Variants in KIRREL3 observed in about 807,000 individuals in gnomAD.
The protein encoded by KIRREL3 is kin of IRRE-like protein 3.
In KIRREL3, 36 loss-of-function variants were observed where a neutral mutation model predicts 89.7. The ratio of observed to expected loss-of-function variants is 0.40; its 90% CI spans 0.31 to 0.53. KIRREL3 has a LOEUF of 0.53. KIRREL3 is among the 20% of genes least tolerant of loss of function. The pLI, the probability that KIRREL3 is intolerant of heterozygous loss-of-function variation, is 0.49. For missense variants in KIRREL3, 864 were observed against 1,056.6 expected (o/e 0.82, Z 2.53); for synonymous variants, 445 against 441.4 (o/e 1.01, Z -0.10).
At chr11:126,858,162 C>A (rs944803205) in intron 1 of KIRREL3, among the ~76,000 whole-genome samples, 1 of 152,192 alleles carries the variant, frequency 6.6e-6, no homozygotes. Flanking sequence ...CATGTCATGG[C>A]AGCAGAATAC....
intron 1 of KIRREL3, among the ~76,000 whole-genome samples, chr11:126,721,908 G>T (rs1948187568): frequency 6.6e-6 from 1 of 152,188 alleles, no homozygotes; most frequent in Admixed American, 6.5e-5. Flanking sequence ...CAGTCAAAAA[G>T]CCTCACAGTC....
In KIRREL3 at chr11:126,459,874, G is replaced by T. The variant is rs1480919801; in HGVS notation, c.742+3283C>A. Reference sequence around the variant, plus strand: ...GTCCAGATGTGGTGAGGCTTTGGGGGTGTTAAGCTTTCTCTCCCATTACTC... The same window carrying T: ...GTCCAGATGTGGTGAGGCTTTGGGGTTGTTAAGCTTTCTCTCCCATTACTC... On this transcript the variant is annotated intron_variant, in intron 6 of 16. Coordinates refer to ENST00000525144, the MANE Select transcript of KIRREL3 (RefSeq NM_032531.4). The surrounding 1 kb of genome is among the most constrained non-coding windows in gnomAD (Gnocchi z 4.8). 6.6e-6 allele frequency among the ~76,000 whole-genome samples: 1 copy of T among 152,192 alleles called. No homozygotes were observed. The highest frequency in any genetic ancestry group is 1.5e-5 in the Non-Finnish European group (1 of 68,036).
chr11:126,763,531 G>A lies in KIRREL3; in HGVS notation c.56-200619C>T, dbSNP rs377183763. Among the ~76,000 whole-genome samples, 128 of 152,276 alleles carry A rather than the reference G, an allele frequency of 8.4e-4. 3 individuals carry two copies. The highest frequency in any genetic ancestry group is 2.7e-3 in the African/African-American group (112 of 41,566). ...GTCTCTCTGGGGCCACATGACACCC[G>A]AACACACAGAATCTGTGGGAACAAG... On this transcript the variant is annotated intron_variant, in intron 1 of 16. Transcript: ENST00000525144. The surrounding 1 kb of genome is among the most constrained non-coding windows in gnomAD (Gnocchi z 4.7).
Position 126,558,558 on chromosome 11 carries a change from T to C in KIRREL3, c.133+4277A>G, listed in dbSNP as rs1939874506. 6.6e-6 allele frequency among the ~76,000 whole-genome samples: 1 copy of C among 152,230 alleles called. No individual in the cohort carries two copies. Reference sequence around the variant, plus strand: ...TTCATATGGGCCCCGGGCAAGTTGCTGCATGCTCTTGGGCCATGCTGTGTT... The same window carrying C: ...TTCATATGGGCCCCGGGCAAGTTGCCGCATGCTCTTGGGCCATGCTGTGTT... On this transcript the variant is annotated intron_variant, in intron 2 of 16. Transcript: ENST00000525144. The surrounding 1 kb of genome is among the most constrained non-coding windows in gnomAD (Gnocchi z 4.0).
At position 126,995,203 on chromosome 11, in the gene KIRREL3, C is replaced by G. The variant is rs1331118141; in HGVS notation, c.55+5252G>C. On this transcript the variant is annotated intron_variant, in intron 1 of 16. Transcript: ENST00000525144. This position sits in a 1 kb window ranked among gnomAD's most constrained non-coding sequence, Gnocchi z 6.5. ...TAGCCCCCCAGAGCAGCTGCTCCCA[C>G]CGACCCTGCTCCAAGAGTGCTGGGA... 2.2e-6 allele frequency: 1 copy of G among 456,240 alleles called. No individual in the cohort carries two copies. The highest frequency in any genetic ancestry group is 4.4e-6 in the Non-Finnish European group (1 of 226,960). 28.3% of individuals were successfully genotyped at this position (456,240 alleles called of 1,614,324 possible).
At position 126,836,216 on chromosome 11, in the gene KIRREL3, G is replaced by A. The variant is rs150502037; in HGVS notation, c.55+164239C>T. ...ATTATGAAACCTGACAGTGGCTTGGGGACCCTTTTGCCCTTGCAGTTGATG... is the reference window on the plus strand; with the variant it reads ...ATTATGAAACCTGACAGTGGCTTGGAGACCCTTTTGCCCTTGCAGTTGATG... On this transcript the variant is annotated intron_variant, in intron 1 of 16. Coordinates refer to ENST00000525144, the MANE Select transcript of KIRREL3 (RefSeq NM_032531.4). 1.1e-4 allele frequency among the ~76,000 whole-genome samples: 16 copies of A among 152,264 alleles called. 1 individual carries two copies. The East Asian group carries it at 3.1e-3, about 29-fold the overall frequency.
intron 4 of KIRREL3, among the ~76,000 whole-genome samples, chr11:126,488,878 T>C (rs1374411789): frequency 5.3e-5 from 8 of 152,166 alleles, no homozygotes; most frequent in Non-Finnish European, 1.5e-5. Flanking sequence ...TTTGCAGCCT[T>C]ACCCCGTGCC....
rs986521367 is a variant in KIRREL3 at position 126,876,678 on chromosome 11, C to G, written c.55+123777G>C. On this transcript the variant is annotated intron_variant, in intron 1 of 16. Coordinates refer to ENST00000525144, the MANE Select transcript of KIRREL3 (RefSeq NM_032531.4). This position sits in a 1 kb window ranked among gnomAD's most constrained non-coding sequence, Gnocchi z 4.1. ...TCAGCCTTCCAAGTAGCTGGGATTACAGGCACCTGCCACCATGCCCAGCTA... is the reference window on the plus strand; with the variant it reads ...TCAGCCTTCCAAGTAGCTGGGATTAGAGGCACCTGCCACCATGCCCAGCTA... Among the ~76,000 whole-genome samples, 3 of 151,916 alleles carry G rather than the reference C, an allele frequency of 2.0e-5. No homozygotes were observed. Among genetic ancestry groups the G allele is most frequent in the Admixed American group, 6.6e-5 (1 of 15,226 alleles).
At chr11:126,510,420 G>C (rs866954527) in intron 4 of KIRREL3, among the ~76,000 whole-genome samples, 215 of 101,008 alleles carry the variant, frequency 2.1e-3, no homozygotes, top group African/African-American at 0.011. Flanking sequence ...CCCTGACGTT[G>C]TTTCCTTCCT....
chr11:126,911,389 G>T (rs567419303), intron 1 of KIRREL3, among the ~76,000 whole-genome samples: 1 of 152,200 alleles, frequency 6.6e-6, no homozygotes, highest in Non-Finnish European at 1.5e-5. Context: ...CAGTGCATCT[G>T]CTGGTGAAGT....
chr11:126,633,043 C>A (rs1170725048), intron 1 of KIRREL3, among the ~76,000 whole-genome samples: 1 of 152,038 alleles, frequency 6.6e-6, no homozygotes, highest in Non-Finnish European at 1.5e-5. Flanking sequence ...TCTATCACCA[C>A]TGCACTTCAG....
intron 1 of KIRREL3, among the ~76,000 whole-genome samples, chr11:126,593,200 C>T (rs1369947480): frequency 6.6e-6 from 1 of 152,234 alleles, no homozygotes; most frequent in East Asian, 1.9e-4. Flanking sequence ...CCAGGAGGCT[C>T]TTCAGAGCAG....
chr11:126,829,523 C>T (rs1419582898), intron 1 of KIRREL3, among the ~76,000 whole-genome samples: 1 of 152,010 alleles, frequency 6.6e-6, no homozygotes, highest in Non-Finnish European at 1.5e-5. Flanking sequence ...TGGTCTTGTG[C>T]CCCAAACTAC....
Position 126,647,766 on chromosome 11 carries a change from A to T in KIRREL3, c.56-84854T>A, listed in dbSNP as rs534428230. 6.6e-6 allele frequency among the ~76,000 whole-genome samples: 1 copy of T among 152,262 alleles called. No individual in the cohort carries two copies. The highest frequency in any genetic ancestry group is 1.5e-5 in the Non-Finnish European group (1 of 68,012). On this transcript the variant is annotated intron_variant, in intron 1 of 16. Coordinates refer to ENST00000525144, the MANE Select transcript of KIRREL3 (RefSeq NM_032531.4). The surrounding 1 kb of genome is among the most constrained non-coding windows in gnomAD (Gnocchi z 4.9). ...TGTCTAGTTTCAACAGGGCAGTCTG[A>T]GTAGTGCTTTTAAAAACCTAAGTCA... is the stretch of plus-strand genomic sequence containing the variant.
rs1259907171 is a variant in KIRREL3 at position 126,708,003 on chromosome 11, T to C, written c.56-145091A>G. 1.3e-5 allele frequency among the ~76,000 whole-genome samples: 2 copies of C among 152,116 alleles called. No individual in the cohort carries two copies. Among genetic ancestry groups the C allele is most frequent in the Non-Finnish European group, 2.9e-5 (2 of 68,030 alleles). ...ACATGGGGTAGCGGGGTCAAGTCGG[T>C]GGAGGGTGAAACAGGCGATTGGCAA... On this transcript the variant is annotated intron_variant, in intron 1 of 16. Coordinates refer to ENST00000525144, the MANE Select transcript of KIRREL3 (RefSeq NM_032531.4). The surrounding 1 kb of genome is among the most constrained non-coding windows in gnomAD (Gnocchi z 5.7).
At chr11:126,784,075 A>G (rs1414205675) in intron 1 of KIRREL3, among the ~76,000 whole-genome samples, 2 of 152,232 alleles carry the variant, frequency 1.3e-5, no homozygotes, top group African/African-American at 4.8e-5. Flanking sequence ...TGAAGGTCAT[A>G]AAAAACAAAC....
rs117834784 is a variant in KIRREL3 at position 126,881,679 on chromosome 11, C to T, written c.55+118776G>A. On this transcript the variant is annotated intron_variant, in intron 1 of 16. Coordinates refer to ENST00000525144, the MANE Select transcript of KIRREL3 (RefSeq NM_032531.4). ...TCTCAGGCCTCAGCATTCTGAGTAG[C>T]TGTGATTACAGGTACCCACCACCAT... is the stretch of plus-strand genomic sequence containing the variant. 2.6e-4 allele frequency among the ~76,000 whole-genome samples: 40 copies of T among 152,280 alleles called. 1 individual carries two copies. In the East Asian group the frequency reaches 7.7e-3, roughly 29 times the overall value.
chr11:126,968,693 C>T (rs1949347963), intron 1 of KIRREL3, among the ~76,000 whole-genome samples: 1 of 152,206 alleles, frequency 6.6e-6, no homozygotes, highest in South Asian at 2.1e-4. Flanking sequence ...GGGTAAACTG[C>T]TATATTTATT....
rs1302278909 is a variant in KIRREL3, at chr11:126,879,161, A to G, written c.55+121294T>C. ...TGAGTCCAGCTAAATGTAAAGAGGGAAACTGGAGCTCATCACGGAGGTAAT... is the reference window on the plus strand; with the variant it reads ...TGAGTCCAGCTAAATGTAAAGAGGGGAACTGGAGCTCATCACGGAGGTAAT... On this transcript the variant is annotated intron_variant, in intron 1 of 16. Transcript: ENST00000525144. The surrounding 1 kb of genome is among the most constrained non-coding windows in gnomAD (Gnocchi z 5.4). Among the ~76,000 whole-genome samples, 1 of 152,162 alleles carries G rather than the reference A, an allele frequency of 6.6e-6. No individual in the cohort carries two copies. The highest frequency in any genetic ancestry group is 6.5e-5 in the Admixed American group (1 of 15,276).
Sources: gnomAD v4.1 joint callset for allele counts (sites outside exome capture counted in the v4.1 genomes callset) on GRCh38, gnomAD v4.1.1 for gene constraint, Gnocchi (gnomAD v3.1) non-coding constraint, MANE v1.5 for transcripts, NCBI Gene and HGNC (gene_info 2026-07-23, HGNC 2026-07-21) for gene names.